Variants in PARP14 observed in about 807,000 individuals in gnomAD.
The protein encoded by PARP14 is poly(ADP-ribose) polymerase family member 14.
In PARP14, 59 loss-of-function variants were observed where a neutral mutation model predicts 154.2. The observed-to-expected ratio is 0.38, with a 90% confidence interval of 0.31 to 0.48. The LOEUF is 0.48. PARP14 is among the 20% of genes least tolerant of loss of function. The pLI is 0.98. For synonymous variants in PARP14, 720 were observed against 780.5 expected (o/e 0.92, Z 1.29); for missense variants, 1,734 against 2,131.6 (o/e 0.81, Z 3.67).
At chr3:122,694,386 A>G (rs1938696506) in intron 4 of PARP14, among the ~76,000 whole-genome samples, 1 of 152,072 alleles carries the variant, frequency 6.6e-6, no homozygotes, top group Non-Finnish European at 1.5e-5. Flanking sequence ...TAGTCTTCCC[A>G]CCTCATTTGA....
At chr3:122,687,507 T>C (rs1270318365) in intron 3 of PARP14, among the ~76,000 whole-genome samples, 1 of 152,084 alleles carries the variant, frequency 6.6e-6, no homozygotes, top group Non-Finnish European at 1.5e-5. Context: ...GAGCACTGGG[T>C]GTGAGGGTGC....
rs571225026 is a variant in PARP14, at chr3:122,704,575, T to C, written c.3367T>C (p.Ser1123Pro). The change falls in exon 8 of 17, where the codon TCC (serine) becomes CCC (proline). Residue 1123 changes from serine (S) to proline (P), a missense_variant. Coordinates refer to ENST00000474629, the MANE Select transcript of PARP14 (RefSeq NM_017554.3). ...ATGTATGGAGATCACTGAGAGCTTG[T>C]CCTTAAAATCAATTGCATTTCCAGC... ...RECMEITESL[S>P]LKSIAFPAIG... 1 of 1,609,186 alleles carries C rather than the reference T, an allele frequency of 6.2e-7. No individual in the cohort carries two copies. Among genetic ancestry groups the C allele is most frequent in the African/African-American group, 1.3e-5 (1 of 74,984 alleles).
rs574332850 is a variant in PARP14 at position 122,699,675 on chromosome 3, A to G, written c.1121A>G (p.Asn374Ser). ...ATCAGACCAGCAGCCACCTTAGTCAATGAAGGAAGACCGAGAATCAAGACC... is the reference window on the plus strand; with the variant it reads ...ATCAGACCAGCAGCCACCTTAGTCAGTGAAGGAAGACCGAGAATCAAGACC... ...VTIRPAATLV[N>S]EGRPRIKTWQ... The change falls in exon 6 of 17, where the codon AAT becomes AGT. Residue 374 changes from asparagine (N) to serine (S), a missense_variant. Physicochemically the swap from Asn to Ser is conservative, Grantham distance 46. Coordinates refer to ENST00000474629, the MANE Select transcript of PARP14 (RefSeq NM_017554.3). 1.8e-5 allele frequency: 29 copies of G among 1,613,958 alleles called. No homozygotes were observed. Among genetic ancestry groups the G allele is most frequent in the Non-Finnish European group, 2.4e-5 (28 of 1,179,912 alleles).
Position 122,728,327 on chromosome 3 carries a change from A to T in PARP14, c.5136A>T (p.Gly1712=). 3.1e-6 allele frequency: 5 copies of T among 1,613,146 alleles called. No homozygotes were observed. Among genetic ancestry groups the T allele is most frequent in the Non-Finnish European group, 4.2e-6 (5 of 1,179,126 alleles). The change falls in exon 17 of 17, where the codon GGA becomes GGT. Residue 1712 remains glycine (G), a synonymous_variant. Coordinates refer to ENST00000474629, the MANE Select transcript of PARP14 (RefSeq NM_017554.3). ...AGKNAVAYGK[G]TYFAVNANYS... Reference sequence around the variant, plus strand: ...TCACAGCTGTGGCATATGGAAAGGGAACCTATTTTGCTGTCAATGCCAATT... The same window carrying T: ...TCACAGCTGTGGCATATGGAAAGGGTACCTATTTTGCTGTCAATGCCAATT...
Position 122,700,062 on chromosome 3 carries a change from G to A in PARP14, c.1508G>A (p.Arg503Lys). 2 of 1,613,920 alleles carry A rather than the reference G, an allele frequency of 1.2e-6. No homozygotes were observed. Among genetic ancestry groups the A allele is most frequent in the Non-Finnish European group, 1.7e-6 (2 of 1,179,836 alleles). The change falls in exon 6 of 17, where the codon AGA (arginine) becomes AAA (lysine). Residue 503 changes from arginine to lysine, a missense_variant. Around this residue, in one of 2 missense-constraint regions of PARP14, gnomAD observed 1,646 missense variants for 1,976.0 expected, o/e 0.83. Transcript: ENST00000474629. ...ECPEIEICYD[R>K]VTQHLCLKGP... ...CCAGAGATAGAGATTTGTTACGATA[G>A]AGTCACTCAACACTTGTGCTTGAAA... is the stretch of plus-strand genomic sequence containing the variant.
rs1423770011 is a variant in PARP14 at position 122,692,320 on chromosome 3, T to G, written c.375T>G (p.Asp125Glu). 9.9e-6 allele frequency: 16 copies of G among 1,612,072 alleles called. No homozygotes were observed. Among genetic ancestry groups the G allele is most frequent in the Non-Finnish European group, 1.3e-5 (15 of 1,178,308 alleles). ...VKEPDVSEEL[D>E]TKLPLDGGLD... ...AATCAGATGTGTCAGAAGAATTGGA[T>G]ACAAAACTCCCTCTTGATGGTGGAT... The change falls in exon 4 of 17, where the codon GAT becomes GAG. Residue 125 changes from aspartate (D) to glutamate (E), a missense_variant. Transcript: ENST00000474629.
chr3:122,699,901 C>A lies in PARP14; in HGVS notation c.1347C>A (p.Val449=). Residue 449 remains valine (V), a synonymous_variant, in exon 6 of 17, where the codon GTC becomes GTA. Transcript: ENST00000474629. ...SEDVQSIEVQ[V]RELIESTTQK... ...ATGTCCAAAGCATTGAGGTACAAGTCAGGGAGTTAATAGAAAGCACTACTC... is the reference window on the plus strand; with the variant it reads ...ATGTCCAAAGCATTGAGGTACAAGTAAGGGAGTTAATAGAAAGCACTACTC... 6.2e-7 allele frequency: 1 copy of A among 1,613,902 alleles called. No homozygotes were observed. Among genetic ancestry groups the A allele is most frequent in the South Asian group, 1.1e-5 (1 of 91,062 alleles).
intron 4 of PARP14, among the ~76,000 whole-genome samples, chr3:122,694,982 C>T (rs790098): frequency 0.55 from 84,205 of 152,048 alleles, 24,722 homozygotes; most frequent in African/African-American, 0.74. Flanking sequence ...TGTGGCAACA[C>T]GGACAATAAA....
intron 9 of PARP14, 69 bp downstream of exon 9, chr3:122,708,337 G>A: frequency 2.6e-6 from 2 of 763,980 alleles, no homozygotes; most frequent in Non-Finnish European, 4.4e-6. Context: ...GCAGGTAAAA[G>A]ACAGTAGTGA....
chr3:122,725,557 A>G (rs762641309), intron 15 of PARP14, among the ~76,000 whole-genome samples: 28 of 152,206 alleles, frequency 1.8e-4, no homozygotes, highest in Non-Finnish European at 3.1e-4. Flanking sequence ...CAAAATTATC[A>G]TACCAAAATT....
chr3:122,707,327 A>G (rs1336823308), intron 8 of PARP14, among the ~76,000 whole-genome samples: 2 of 151,738 alleles, frequency 1.3e-5, no homozygotes, highest in East Asian at 3.9e-4. Flanking sequence ...TTTGCAATGA[A>G]CCAAGATTGT....
At chr3:122,686,990 C>T in intron 2 of PARP14, 90 bp from the exon 3 acceptor site, 1 of 834,928 alleles carries the variant, frequency 1.2e-6, no homozygotes, top group East Asian at 2.7e-5. Flanking sequence ...TTCTATTTAC[C>T]CTCCATCTCC....
In PARP14 at chr3:122,729,875, C is replaced by T. The variant is rs1017368425; in HGVS notation, c.*1278C>T. 6.6e-6 allele frequency: 1 copy of T among 152,132 alleles called. No homozygotes were observed. The highest frequency in any genetic ancestry group is 1.5e-5 in the Non-Finnish European group (1 of 68,036). The allele number at this position is 152,132 out of a possible 1,614,324, so 9.4% of individuals were successfully genotyped here. On this transcript the variant is annotated 3_prime_UTR_variant, in exon 17 of 17. Transcript: ENST00000474629. ...TAGTATATTTTCCTTGACAGCCTAGCGTTTGATGATTTTAAAGCCTTATGT... is the reference window on the plus strand; with the variant it reads ...TAGTATATTTTCCTTGACAGCCTAGTGTTTGATGATTTTAAAGCCTTATGT...
At chr3:122,726,760 G>T (rs1336846727) in intron 15 of PARP14, among the ~76,000 whole-genome samples, 2 of 151,930 alleles carry the variant, frequency 1.3e-5, no homozygotes, top group Non-Finnish European at 2.9e-5. Flanking sequence ...CTAAGAAATT[G>T]AGAATTATTT....
At chr3:122,725,802 T>C (rs1256258383) in intron 15 of PARP14, among the ~76,000 whole-genome samples, 1 of 152,220 alleles carries the variant, frequency 6.6e-6, no homozygotes, top group Non-Finnish European at 1.5e-5. Context: ...TATGTTTGGG[T>C]TTAAATGTAC....
Position 122,700,019 on chromosome 3 carries a change from C to T in PARP14, c.1465C>T (p.His489Tyr). The T allele has an allele frequency of 1.2e-6, 2 of 1,613,916 alleles. No individual in the cohort carries two copies. The highest frequency in any genetic ancestry group is 1.1e-5 in the South Asian group (1 of 91,066). Residue 489 changes from histidine (H) to tyrosine (Y), a missense_variant, in exon 6 of 17, where the codon CAT becomes TAT. His to Tyr is a moderately conservative substitution (Grantham distance 83, BLOSUM62 2). Transcript: ENST00000474629. ...FLLCHSSLLD[H>Y]LLTECPEIEI... ...TTTGTGTCACAGCAGTCTACTGGAC[C>T]ATTTACTCACGGAGTGCCCAGAGAT... is the stretch of plus-strand genomic sequence containing the variant.
chr3:122,724,124 C>T (rs751533324), intron 15 of PARP14, among the ~76,000 whole-genome samples: 1 of 151,984 alleles, frequency 6.6e-6, no homozygotes, highest in Non-Finnish European at 1.5e-5. Context: ...CTGTACTTTC[C>T]TTGTCTCGTG....
Position 122,727,999 on chromosome 3 carries a change from G to A in PARP14, c.5116+13G>A. ...GCCGGAAAGAATGGTAAGGAAGCGA[G>A]TAATCTGGCTGCTTGGAATGAGGCA... On this transcript the variant is annotated intron_variant, in intron 16 of 16. Transcript: ENST00000474629. 3.1e-6 allele frequency: 5 copies of A among 1,602,148 alleles called. No homozygotes were observed. Among genetic ancestry groups the A allele is most frequent in the South Asian group, 1.1e-5 (1 of 89,804 alleles).
rs1197424733 is a variant in PARP14 at position 122,694,550 on chromosome 3, T to C, written c.599-876T>C. ...CATCAATACTTATTATTATTATTATTTTAAGATAGAGTCTTGCTCTGTCGC... is the reference window on the plus strand; with the variant it reads ...CATCAATACTTATTATTATTATTATCTTAAGATAGAGTCTTGCTCTGTCGC... On this transcript the variant is annotated intron_variant, in intron 4 of 16. Transcript: ENST00000474629. Among the ~76,000 whole-genome samples, 3 of 152,192 alleles carry C rather than the reference T, an allele frequency of 2.0e-5. No individual in the cohort carries two copies. In the East Asian group the frequency reaches 5.8e-4, roughly 29 times the overall value.
Sources: allele counts gnomAD v4.1 joint callset (sites outside exome capture counted in the v4.1 genomes callset), GRCh38; gene constraint gnomAD v4.1.1; regional missense constraint gnomAD v4.1.1; transcripts MANE v1.5; gene names NCBI Gene and HGNC (gene_info 2026-07-23, HGNC 2026-07-21).